Variants in CNOT10 observed in about 807,000 individuals in gnomAD.
The protein encoded by CNOT10 is CCR4-NOT transcription complex, subunit 10.
A neutral mutation model predicts 94.6 loss-of-function variants in CNOT10; 30 were observed. The observed-to-expected ratio is 0.32, with a 90% confidence interval of 0.24 to 0.43. The LOEUF (loss-of-function observed/expected upper bound fraction) is 0.43. Ranked by LOEUF, CNOT10 falls within the 20% of genes least tolerant of loss-of-function variation. The probability of loss-of-function intolerance (pLI) is 1.00; values close to 1 mark genes in which losing one functional copy is unlikely to be tolerated. For synonymous variants in CNOT10, 289 were observed against 301.6 expected, an observed-to-expected ratio of 0.96 and a Z score of 0.43; for missense variants, 759 against 877.2, an observed-to-expected ratio of 0.87 and a Z score of 1.70.
At chr3:32,724,555 C>CG (rs1201746353) in intron 8 of CNOT10, among the ~76,000 whole-genome samples, 1 of 150,554 alleles carries the variant, frequency 6.6e-6, no homozygotes, top group Non-Finnish European at 1.5e-5. Context: ...TGGGACTACA[C>CG]GCGCCCGCCA....
intron 13 of CNOT10, chr3:32,753,235 T>G: frequency 1.3e-6 from 1 of 752,186 alleles, no homozygotes; most frequent in Non-Finnish European, 2.5e-6. Flanking sequence ...AATTAGATAG[T>G]GCAGATGCTA....
At chr3:32,761,651 G>A (rs1700448873) in intron 14 of CNOT10, among the ~76,000 whole-genome samples, 1 of 151,720 alleles carries the variant, frequency 6.6e-6, no homozygotes, top group South Asian at 2.1e-4. Flanking sequence ...TGCCTCCCCA[G>A]TTCAAGGGAT....
intron 10 of CNOT10, among the ~76,000 whole-genome samples, chr3:32,730,381 G>GT (rs111345684): frequency 0.04 from 5,954 of 150,504 alleles, 184 homozygotes; most frequent in Middle Eastern, 0.08. Context: ...TGCCAGTCCT[G>GT]TTTTTTTTTC....
At chr3:32,710,210 A>G (rs1575222273) in intron 4 of CNOT10, among the ~76,000 whole-genome samples, 1 of 149,778 alleles carries the variant, frequency 6.7e-6, no homozygotes, top group African/African-American at 2.4e-5. Context: ...AATCTGCACT[A>G]TGGCTGAACA....
At position 32,762,806 on chromosome 3, in the gene CNOT10, A is replaced by C; in HGVS notation, c.1783A>C (p.Asn595His). Residue 595 changes from asparagine to histidine, a missense_variant, in exon 15 of 19, where the codon AAC becomes CAC. Transcript: ENST00000328834. Reference sequence around the variant, plus strand: ...AATATCTGATGCCATTACTCACTTGAACCCGGAGAATGTCACTGATGTCTC... The same window carrying C: ...AATATCTGATGCCATTACTCACTTGCACCCGGAGAATGTCACTGATGTCTC... ...DRISDAITHLNPENVTDVSLG... is the reference protein window; with the variant it reads ...DRISDAITHLHPENVTDVSLG... The C allele has an allele frequency of 6.3e-7, 1 of 1,586,036 alleles. No individual in the cohort carries two copies. The highest frequency in any genetic ancestry group is 8.5e-7 in the Non-Finnish European group (1 of 1,171,986).
chr3:32,749,590 A>C (rs1370143266), intron 13 of CNOT10, among the ~76,000 whole-genome samples: 1 of 151,822 alleles, frequency 6.6e-6, no homozygotes, highest in African/African-American at 2.4e-5. Context: ...TTGTATTTTT[A>C]GTAGAGACAG....
In CNOT10 at chr3:32,763,652, G is replaced by GA. The variant is rs879465296; in HGVS notation, c.1841-791dup. ...GTGACAGAGCAAGACTCTGTCTGAA[G>GA]AAAAAAAAAAAATTAAATAATTAAA... On this transcript the variant is annotated intron_variant, in intron 15 of 18. Coordinates refer to ENST00000328834, the MANE Select transcript of CNOT10 (RefSeq NM_015442.3). 1.5e-3 allele frequency among the ~76,000 whole-genome samples: 208 copies of GA among 139,580 alleles called. 1 individual carries two copies. Among genetic ancestry groups the GA allele is most frequent in the Admixed American group, 2.8e-3 (39 of 14,024 alleles). 91.6% of individuals were successfully genotyped at this position (139,580 alleles called of 152,430 possible).
intron 12 of CNOT10, 31 bp from the exon 13 acceptor site, chr3:32,737,379 T>G (rs1474384478): frequency 6.9e-7 from 1 of 1,450,180 alleles, no homozygotes; most frequent in Non-Finnish European, 9.5e-7. Context: ...TTTGTTGCTC[T>G]TCATAATTAA....
chr3:32,685,641 T>A (rs1449364697), intron 1 of CNOT10, among the ~76,000 whole-genome samples, 159 bp downstream of exon 1: 5 of 152,048 alleles, frequency 3.3e-5, no homozygotes, highest in South Asian at 2.1e-4. Context: ...GTCGCTAACA[T>A]GAGTCTTCGG....
rs1374247638 is a variant in CNOT10, at chr3:32,695,966, A to AGT, written c.23-7901_23-7900insTG. ...GAAAATAAAAATAATCCTGTTGAAG[A>AGT]GAGTGTGTGTGTGTGTGTGTGTGTG... is the stretch of plus-strand genomic sequence containing the variant. On this transcript the variant is annotated intron_variant, in intron 1 of 18. Transcript: ENST00000328834. 358 of 616,712 alleles carry AGT rather than the reference A, an allele frequency of 5.8e-4. 2 individuals carry two copies. Among genetic ancestry groups the AGT allele is most frequent in the African/African-American group, 3.4e-3 (151 of 44,198 alleles). 38.2% of individuals were successfully genotyped at this position (616,712 alleles called of 1,614,324 possible).
At chr3:32,698,700 G>C (rs757143938) in intron 1 of CNOT10, among the ~76,000 whole-genome samples, 1 of 152,142 alleles carries the variant, frequency 6.6e-6, no homozygotes. Context: ...TTGCCTTCTT[G>C]GAAAAGGGAA....
intron 13 of CNOT10, among the ~76,000 whole-genome samples, chr3:32,745,623 A>G (rs1432589322): frequency 6.6e-6 from 1 of 152,236 alleles, no homozygotes; most frequent in Non-Finnish European, 1.5e-5. Flanking sequence ...AAACCTAGAC[A>G]TAGCCCAGGT....
chr3:32,767,589 C>CCTAG (rs1700705789), intron 17 of CNOT10, among the ~76,000 whole-genome samples: 1 of 149,778 alleles, frequency 6.7e-6, no homozygotes, highest in Admixed American at 6.7e-5. Context: ...CCTTGTTGTG[C>CCTAG]CTAGAAGTGA....
chr3:32,705,315 G>A (rs536555948), intron 3 of CNOT10, among the ~76,000 whole-genome samples: 3 of 152,208 alleles, frequency 2.0e-5, no homozygotes, highest in South Asian at 2.1e-4. Context: ...ATGTCAAGTC[G>A]TTTTAGCATT....
chr3:32,771,961 C>T (rs772836528), intron 18 of CNOT10, among the ~76,000 whole-genome samples: 7 of 152,132 alleles, frequency 4.6e-5, no homozygotes, highest in African/African-American at 1.4e-4. Flanking sequence ...AGGGCATATA[C>T]GATCTCCAAG....
chr3:32,712,163 G>GTTTTT (rs112756771), intron 4 of CNOT10, among the ~76,000 whole-genome samples: 1 of 141,070 alleles, frequency 7.1e-6, no homozygotes, highest in Non-Finnish European at 1.5e-5. Context: ...GTGTTTGTTT[G>GTTTTT]TTTTTTTTTT....
intron 3 of CNOT10, among the ~76,000 whole-genome samples, chr3:32,708,148 T>C (rs1212870865): frequency 2.0e-5 from 3 of 152,196 alleles, no homozygotes; most frequent in Non-Finnish European, 4.4e-5. Flanking sequence ...TCTGCCTGTC[T>C]CGGCCTCCCA....
chr3:32,748,399 A>G (rs1265042265), intron 13 of CNOT10, among the ~76,000 whole-genome samples: 2 of 152,170 alleles, frequency 1.3e-5, no homozygotes, highest in South Asian at 2.1e-4. Context: ...TATTTTGGCT[A>G]TATTCTTTGA....
chr3:32,727,947 A>AC lies in CNOT10; in HGVS notation c.1215+77_1215+78insC. On this transcript the variant is annotated intron_variant, in intron 10 of 18. Transcript: ENST00000328834. ...CATGGAATGGTTAAAAAAAAAAAAA[A>AC]AACCTTGGAAACATACATAAGACAT... is the stretch of plus-strand genomic sequence containing the variant. 3 of 1,005,260 alleles carry AC rather than the reference A, an allele frequency of 3.0e-6. No homozygotes were observed. In the South Asian group the frequency reaches 4.7e-5, roughly 16 times the overall value. The allele number at this position is 1,005,260 out of a possible 1,614,324, so 62.3% of individuals were successfully genotyped here.
Sources: allele counts gnomAD v4.1 joint callset (sites outside exome capture counted in the v4.1 genomes callset), GRCh38; gene constraint gnomAD v4.1.1; transcripts MANE v1.5; gene names NCBI Gene and HGNC (gene_info 2026-07-23, HGNC 2026-07-21).